Variants in PTK2 observed in about 807,000 individuals in gnomAD.
The protein encoded by PTK2 is protein tyrosine kinase 2, also known as focal adhesion kinase 1.
PTK2 carries 45 observed loss-of-function variants against 150.1 expected under a neutral mutation model. The ratio of observed to expected loss-of-function variants is 0.30; its 90% confidence interval spans 0.24 to 0.38. The LOEUF is 0.38. Ranked by LOEUF, PTK2 falls within the 10% of genes least tolerant of loss-of-function variation. PTK2 has a pLI of 1.00. For missense variants in PTK2, 919 were observed against 1,307.3 expected (o/e 0.70, Z 4.58); for synonymous variants, 432 against 449.2 (o/e 0.96, Z 0.48).
At chr8:140,931,559 T>C (rs944111305) in intron 1 of PTK2, among the ~76,000 whole-genome samples, 2 of 152,054 alleles carry the variant, frequency 1.3e-5, no homozygotes, top group African/African-American at 4.8e-5. Context: ...GAACAAGACC[T>C]TGTGGTTTTA....
chr8:140,967,461 C>CTTTCT (rs1336232592), intron 1 of PTK2, among the ~76,000 whole-genome samples: 498 of 121,550 alleles, frequency 4.1e-3, no homozygotes, highest in African/African-American at 0.014. Flanking sequence ...TTCTTTCTTT[C>CTTTCT]TTTTTTTTTT....
chr8:140,770,056 C>T (rs572415409), intron 14 of PTK2, among the ~76,000 whole-genome samples: 1 of 152,282 alleles, frequency 6.6e-6, no homozygotes, highest in South Asian at 2.1e-4. Flanking sequence ...TTCCAATAAG[C>T]CAGTGGGATT....
chr8:140,988,767 G>A (rs1007918235), intron 1 of PTK2, among the ~76,000 whole-genome samples: 5 of 149,892 alleles, frequency 3.3e-5, no homozygotes, highest in Non-Finnish European at 5.9e-5. Flanking sequence ...ACACGTATAC[G>A]GACAAGTGAT....
intron 24 of PTK2, among the ~76,000 whole-genome samples, chr8:140,705,161 A>AT (rs1478473552): frequency 6.6e-6 from 1 of 152,196 alleles, no homozygotes; most frequent in African/African-American, 2.4e-5. Flanking sequence ...TACCACTGAC[A>AT]TATCTTTTCC....
At chr8:140,702,345 G>A (rs1049707344) in intron 25 of PTK2, among the ~76,000 whole-genome samples, 2 of 149,576 alleles carry the variant, frequency 1.3e-5, no homozygotes, top group Non-Finnish European at 3.0e-5. Flanking sequence ...CCAGCATCCC[G>A]AGTAGCTGGG....
chr8:140,694,151 C>G, intron 26 of PTK2, among the ~76,000 whole-genome samples: 1 of 151,776 alleles, frequency 6.6e-6, no homozygotes, highest in Admixed American at 6.6e-5. Context: ...CGCCATTCTC[C>G]TGCCTTAGCC....
intron 10 of PTK2, among the ~76,000 whole-genome samples, chr8:140,808,242 G>A (rs576143763): frequency 6.6e-6 from 1 of 152,224 alleles, no homozygotes; most frequent in South Asian, 2.1e-4. Flanking sequence ...ACCATGAACA[G>A]GTAAGATGGG....
intron 8 of PTK2, among the ~76,000 whole-genome samples, chr8:140,829,369 A>G (rs1409881615): frequency 6.6e-6 from 1 of 152,228 alleles, no homozygotes; most frequent in East Asian, 1.9e-4. Context: ...CAGGACCCAG[A>G]TATCTGAATA....
chr8:140,981,424 T>C (rs2100191384), intron 1 of PTK2, among the ~76,000 whole-genome samples: 1 of 151,990 alleles, frequency 6.6e-6, no homozygotes, highest in Non-Finnish European at 1.5e-5. Flanking sequence ...GGGAAGGGTA[T>C]GTGATCAGGG....
Position 140,761,273 on chromosome 8 carries a change from T to C in PTK2, c.1235-11A>G. On this transcript the variant is annotated splice_polypyrimidine_tract_variant and intron_variant, in intron 15 of 31. Transcript: ENST00000522684. ...TCTCATAATCCCTGGCTGTAAAACA[T>C]AATTCACACATCAATACTTAAGTAA... is the stretch of plus-strand genomic sequence containing the variant. The C allele has an allele frequency of 6.4e-7, 1 of 1,562,622 alleles. No individual in the cohort carries two copies. The highest frequency in any genetic ancestry group is 2.2e-5 in the East Asian group (1 of 44,478).
intron 8 of PTK2, among the ~76,000 whole-genome samples, chr8:140,827,883 G>T (rs1009353430): frequency 5.3e-5 from 8 of 152,208 alleles, no homozygotes; most frequent in African/African-American, 1.9e-4. Flanking sequence ...ATTAAAAATT[G>T]AGGCCAGGCA....
At chr8:140,688,187 G>C (rs914322122) in intron 26 of PTK2, among the ~76,000 whole-genome samples, 33 of 152,136 alleles carry the variant, frequency 2.2e-4, no homozygotes, top group African/African-American at 5.8e-4. Flanking sequence ...AGTAAGCAAA[G>C]AGGGCAAAAG....
At chr8:140,768,311 T>C (rs1385508203) in intron 14 of PTK2, among the ~76,000 whole-genome samples, 1 of 152,172 alleles carries the variant, frequency 6.6e-6, no homozygotes, top group Non-Finnish European at 1.5e-5. Flanking sequence ...TATTCACCTG[T>C]AAAATGGGTT....
At chr8:140,924,790 A>G (rs1279242424) in intron 2 of PTK2, among the ~76,000 whole-genome samples, 1 of 152,190 alleles carries the variant, frequency 6.6e-6, no homozygotes, top group African/African-American at 2.4e-5. Flanking sequence ...CACCCCACAT[A>G]AAAAAATAAA....
chr8:140,909,511 T>C (rs1277388374), intron 2 of PTK2: 1 of 152,228 alleles, frequency 6.6e-6, no homozygotes, highest in Non-Finnish European at 1.5e-5. Context: ...GCTTTATAGA[T>C]GGTGACATCT....
intron 29 of PTK2, chr8:140,669,087 T>G (rs148733378): frequency 1.3e-5 from 2 of 152,052 alleles, no homozygotes; most frequent in Non-Finnish European, 2.9e-5. Flanking sequence ...CCTACGCTTA[T>G]AAAGCCTCAG....
intron 1 of PTK2, among the ~76,000 whole-genome samples, chr8:140,988,730 A>C (rs1188873567): frequency 1.7e-3 from 10 of 5,932 alleles, no homozygotes; most frequent in Non-Finnish European, 6.1e-3. Context: ...CTCCATCCCA[A>C]AAAAAAAAAA....
chr8:140,762,440 T>A, intron 15 of PTK2, 52 bp from the exon 18 acceptor site: 1 of 967,290 alleles, frequency 1.0e-6, no homozygotes, highest in Non-Finnish European at 1.3e-6. Flanking sequence ...TAGAAATAAC[T>A]AACAGCAATT....
intron 1 of PTK2, among the ~76,000 whole-genome samples, chr8:140,998,881 T>C (rs924150023): frequency 6.6e-6 from 1 of 152,124 alleles, no homozygotes; most frequent in African/African-American, 2.4e-5. Flanking sequence ...AAAGAACAGT[T>C]ATCTGACTAG....
Sources: allele counts gnomAD v4.1 joint callset (sites outside exome capture counted in the v4.1 genomes callset), GRCh38; gene constraint gnomAD v4.1.1; transcripts MANE v1.5; gene names NCBI Gene and HGNC (gene_info 2026-07-23, HGNC 2026-07-21).